The following NARS2 variants were observed in gnomAD, a reference collection of about 807,000 sequenced individuals.
The protein encoded by NARS2 is asparaginyl-tRNA synthetase 2, mitochondrial.
In NARS2, 60 loss-of-function variants were observed where a neutral mutation model predicts 62.9. The observed-to-expected ratio is 0.95, with a 90% CI of 0.77 to 1.18. NARS2 has a LOEUF of 1.18. Among genes scored for constraint, NARS2 ranks in the 50% most tolerant of loss-of-function variants. NARS2 has a pLI of 0.00. For missense variants in NARS2, 619 were observed against 576.4 expected, an observed-to-expected ratio of 1.07 and a Z score of -0.76; for synonymous variants, 196 against 200.0, an observed-to-expected ratio of 0.98 and a Z score of 0.17.
intron 6 of NARS2, among the ~76,000 whole-genome samples, chr11:78,514,216 G>A (rs764629595): frequency 2.0e-5 from 3 of 152,160 alleles, no homozygotes; most frequent in Admixed American, 6.5e-5. Context: ...TCGACCTCCT[G>A]GACTCAATAA....
In NARS2 at chr11:78,478,746, G is replaced by T. The variant is rs1005914367; in HGVS notation, c.823-63C>A. ...AATTTTACATGAAAAACCTGTTCAG[G>T]ACTCAATAAGGACCGCATTCCAGGC... On this transcript the variant is annotated intron_variant, in intron 7 of 13. Coordinates refer to ENST00000281038, the MANE Select transcript of NARS2 (RefSeq NM_024678.6). 1.7e-5 allele frequency: 16 copies of T among 965,072 alleles called. No individual in the cohort carries two copies. The African/African-American group carries it at 2.2e-4, about 13-fold the overall frequency. The allele number at this position is 965,072 out of a possible 1,614,324, so 59.8% of individuals were successfully genotyped here.
At chr11:78,522,155 C>T (rs961541412) in intron 6 of NARS2, among the ~76,000 whole-genome samples, 5 of 134,794 alleles carry the variant, frequency 3.7e-5, no homozygotes, top group Non-Finnish European at 7.8e-5. Flanking sequence ...GATAAGGTTT[C>T]GTGTGTTGCC....
chr11:78,452,025 A>C (rs1857987546), intron 11 of NARS2, among the ~76,000 whole-genome samples: 1 of 152,178 alleles, frequency 6.6e-6, no homozygotes, highest in Non-Finnish European at 1.5e-5. Context: ...TCCTGTTACG[A>C]AGTATCCATA....
rs112871507 is a variant in NARS2, at chr11:78,569,656, T to C, written c.252-904A>G. The stretch of plus-strand genomic sequence containing the variant: ...TTTATATAAATAAGATTGTCCACTA[T>C]TGCATTATGGGTGGGGAAATCTGGT... On this transcript the variant is annotated intron_variant, in intron 2 of 13. Coordinates refer to ENST00000281038, the MANE Select transcript of NARS2 (RefSeq NM_024678.6). 9.4e-3 allele frequency among the ~76,000 whole-genome samples: 1,432 copies of C among 152,322 alleles called. 21 individuals carry two copies. Among genetic ancestry groups the C allele is most frequent in the African/African-American group, 0.032 (1,336 of 41,560 alleles).
At chr11:78,445,688 G>A (rs987577570) in intron 11 of NARS2, among the ~76,000 whole-genome samples, 1 of 152,146 alleles carries the variant, frequency 6.6e-6, no homozygotes, top group African/African-American at 2.4e-5. Flanking sequence ...AGTGGCATGT[G>A]CTTGTAGTCT....
chr11:78,490,284 A>G (rs929350874), intron 7 of NARS2, among the ~76,000 whole-genome samples: 11 of 152,178 alleles, frequency 7.2e-5, no homozygotes, highest in African/African-American at 2.7e-4. Context: ...TTCTCCTGGG[A>G]TAACTGATCT....
rs527908311 is a variant in NARS2, at chr11:78,574,632, T to C, written c.-144A>G. 5.6e-6 allele frequency: 5 copies of C among 891,668 alleles called. No homozygotes were observed. The Admixed American group carries it at 8.9e-5, about 16-fold the overall frequency. The allele number at this position is 891,668 out of a possible 1,614,324, so 55.2% of individuals were successfully genotyped here. A position where few individuals can be genotyped will look rare whatever the true frequency, so the allele number is the denominator to read the frequency against. ...ACTCCAGAGCCCCTCGGCTGCGCGC[T>C]TTCTCCTTCAGGACTCCCAGCTCTG... is the stretch of plus-strand genomic sequence containing the variant. On this transcript the variant is annotated 5_prime_UTR_variant, in exon 1 of 14. Coordinates refer to ENST00000281038, the MANE Select transcript of NARS2 (RefSeq NM_024678.6).
intron 5 of NARS2, among the ~76,000 whole-genome samples, chr11:78,547,070 A>G (rs1855907712): frequency 6.6e-6 from 1 of 152,098 alleles, no homozygotes; most frequent in Non-Finnish European, 1.5e-5. Flanking sequence ...GTGGCTCATG[A>G]CTGTCATCTC....
intron 7 of NARS2, among the ~76,000 whole-genome samples, chr11:78,480,980 A>T (rs552930599): frequency 6.6e-6 from 1 of 151,978 alleles, no homozygotes; most frequent in South Asian, 2.1e-4. Flanking sequence ...CACCACACCC[A>T]GGTAATGTTT....
intron 9 of NARS2, among the ~76,000 whole-genome samples, chr11:78,469,779 C>A (rs11501936): frequency 6.9e-6 from 1 of 145,932 alleles, no homozygotes; most frequent in Non-Finnish European, 1.5e-5. Flanking sequence ...AGAGAGAGAG[C>A]GAGAGATGCA....
intron 11 of NARS2, among the ~76,000 whole-genome samples, chr11:78,459,860 T>C (rs184912453): frequency 9.8e-5 from 15 of 152,312 alleles, no homozygotes; most frequent in African/African-American, 3.6e-4. Context: ...AAGGTTATGA[T>C]GGATTAAGAG....
intron 11 of NARS2, among the ~76,000 whole-genome samples, chr11:78,451,856 C>A (rs565284231): frequency 1.3e-5 from 2 of 152,114 alleles, no homozygotes; most frequent in African/African-American, 4.8e-5. Flanking sequence ...TAGAGTACTG[C>A]AAAGGTGACT....
At chr11:78,553,392 G>A (rs1354081531) in intron 5 of NARS2, among the ~76,000 whole-genome samples, 4 of 152,024 alleles carry the variant, frequency 2.6e-5, no homozygotes, top group Non-Finnish European at 5.9e-5. Flanking sequence ...GGGTTCAAGC[G>A]ATTCTTCTGC....
At chr11:78,454,088 C>T (rs1858066293) in intron 11 of NARS2, among the ~76,000 whole-genome samples, 1 of 152,148 alleles carries the variant, frequency 6.6e-6, no homozygotes, top group Non-Finnish European at 1.5e-5. Flanking sequence ...GTTGAGAACT[C>T]CACAAAGGTT....
chr11:78,518,685 T>A (rs1190194490), intron 6 of NARS2, among the ~76,000 whole-genome samples: 1 of 151,952 alleles, frequency 6.6e-6, no homozygotes, highest in Non-Finnish European at 1.5e-5. Context: ...GCCCGGCCAA[T>A]TTTTTGTATT....
chr11:78,436,582 C>G lies in NARS2; in HGVS notation c.*88G>C. The G allele has an allele frequency of 5.8e-6, 8 of 1,374,240 alleles. No individual in the cohort carries two copies. Among genetic ancestry groups the G allele is most frequent in the Non-Finnish European group, 7.0e-6 (7 of 1,005,102 alleles). 85.1% of individuals were successfully genotyped at this position (1,374,240 alleles called of 1,614,324 possible). ...CAATTACATATTGAAATCTGCATTT[C>G]TAAAATCCAAACATGCATTCTGCTG... On this transcript the variant is annotated 3_prime_UTR_variant, in exon 14 of 14. Coordinates refer to ENST00000281038, the MANE Select transcript of NARS2 (RefSeq NM_024678.6).
intron 2 of NARS2, 81 bp downstream of exon 2, chr11:78,571,254 G>A (rs1418573148): frequency 4.8e-6 from 4 of 831,778 alleles, no homozygotes; most frequent in South Asian, 1.5e-5. Flanking sequence ...GGGGTCCAAC[G>A]TAAACACTGG....
intron 11 of NARS2, among the ~76,000 whole-genome samples, chr11:78,459,340 G>A (rs1263466585): frequency 6.7e-5 from 10 of 150,318 alleles, no homozygotes; most frequent in South Asian, 2.1e-4. Flanking sequence ...ATGCAATCTC[G>A]GCTCACTGCA....
chr11:78,553,537 A>C (rs4944208), intron 5 of NARS2, among the ~76,000 whole-genome samples: 104,325 of 151,876 alleles, frequency 0.69, 37,602 homozygotes, highest in Non-Finnish European at 0.81. Flanking sequence ...GATCCATCCA[A>C]CTCGGCCTCC....
Sources: gnomAD v4.1 joint callset for allele counts (sites outside exome capture counted in the v4.1 genomes callset) on GRCh38, gnomAD v4.1.1 for gene constraint, MANE v1.5 for transcripts, NCBI Gene and HGNC (gene_info 2026-07-23, HGNC 2026-07-21) for gene names.